The following PCDHA12 variants were observed in gnomAD, a reference collection of about 807,000 sequenced individuals.
PCDHA12 encodes protocadherin alpha 12.
Under a neutral mutation model 60.0 loss-of-function variants are expected in PCDHA12, and 44 were observed. That is an observed-to-expected ratio of 0.73 (90% CI 0.58 to 0.94). The LOEUF is 0.94. Ranked by LOEUF, PCDHA12 falls within the 40% of genes least tolerant of loss-of-function variation. The pLI is 0.00. For synonymous variants in PCDHA12, 569 were observed against 553.0 expected (o/e 1.03, Z -0.40); for missense variants, 1,276 against 1,239.7 (o/e 1.03, Z -0.44).
chr5:140,929,257 C>G, intron 1 of PCDHA12: 2 of 1,612,972 alleles, frequency 1.2e-6, no homozygotes, highest in Admixed American at 3.3e-5. Flanking sequence ...TGGGGTAGGA[C>G]TGAATTTGCC....
At chr5:140,968,288 C>A in intron 1 of PCDHA12, 1 of 1,613,976 alleles carries the variant, frequency 6.2e-7, no homozygotes, top group Non-Finnish European at 8.5e-7. Context: ...GACCTACTCC[C>A]TTCTGGAGAG....
chr5:140,888,288 C>G (rs1328691042), intron 1 of PCDHA12, among the ~76,000 whole-genome samples: 1 of 152,108 alleles, frequency 6.6e-6, no homozygotes, highest in African/African-American at 2.4e-5. Context: ...CCCTCTACCC[C>G]CTACCCAGGA....
chr5:140,969,587 T>G, intron 1 of PCDHA12: 1 of 850,882 alleles, frequency 1.2e-6, no homozygotes, highest in Non-Finnish European at 1.8e-6. Context: ...AGGATTAGTC[T>G]TAATATTTAA....
chr5:141,001,401 G>A (rs190876782), intron 3 of PCDHA12, among the ~76,000 whole-genome samples: 12 of 152,314 alleles, frequency 7.9e-5, no homozygotes, highest in African/African-American at 2.4e-4. Context: ...AGAGAACAGG[G>A]AGTATATTTT....
chr5:140,903,346 A>G (rs76789733), intron 1 of PCDHA12, among the ~76,000 whole-genome samples: 12,326 of 152,302 alleles, frequency 0.081, 540 homozygotes, highest in Middle Eastern at 0.13. Context: ...TGCATTTTAA[A>G]AAACAAGTTT....
chr5:140,979,383 T>C (rs2096847136), intron 2 of PCDHA12, among the ~76,000 whole-genome samples: 1 of 152,220 alleles, frequency 6.6e-6, no homozygotes, highest in Admixed American at 6.5e-5. Context: ...CATTGTGCAA[T>C]GTATACATAC....
rs1246720296 is a variant in PCDHA12, at chr5:140,996,308, AAGGGGGG to A, written c.2516-13314_2516-13308del. 2.6e-5 allele frequency among the ~76,000 whole-genome samples: 4 copies of A among 152,358 alleles called. No individual in the cohort carries two copies. The East Asian group carries it at 5.8e-4, about 22-fold the overall frequency. On this transcript the variant is annotated intron_variant, in intron 3 of 3. Coordinates refer to ENST00000398631, the MANE Select transcript of PCDHA12 (RefSeq NM_018903.4). ...CAAGAAGCACAGATTGTAACAAAGT[AAGGGGGG>A]AGGGTAGAGAAGAAAAGTTTGAAAA... is the stretch of plus-strand genomic sequence containing the variant.
Position 140,875,934 on chromosome 5 carries a change from A to T in PCDHA12, c.462A>T (p.Leu154=), listed in dbSNP as rs782270710. 1 of 1,614,178 alleles carries T rather than the reference A, an allele frequency of 6.2e-7. No individual in the cohort carries two copies. The highest frequency in any genetic ancestry group is 1.7e-5 in the Admixed American group (1 of 60,028). ...CGCCTCTGGACTCTCATTTTCCTCT[A>T]GAGGGCGCTTCTGATGCGGATATCG... ...ESAPLDSHFP[L]EGASDADIGV... is the part of the protein sequence containing the mutation. The change falls in exon 1 of 4, where the codon CTA becomes CTT. Residue 154 remains leucine, a synonymous_variant. Coordinates refer to ENST00000398631, the MANE Select transcript of PCDHA12 (RefSeq NM_018903.4).
chr5:140,890,068 T>C (rs1353953909), intron 1 of PCDHA12, among the ~76,000 whole-genome samples: 2 of 152,196 alleles, frequency 1.3e-5, no homozygotes, highest in African/African-American at 4.8e-5. Flanking sequence ...TTTACTGGCT[T>C]ATGAGAACTG....
intron 3 of PCDHA12, among the ~76,000 whole-genome samples, chr5:141,001,903 A>G (rs2098043091): frequency 6.6e-6 from 1 of 152,190 alleles, no homozygotes; most frequent in African/African-American, 2.4e-5. Flanking sequence ...GGGCTGTTTG[A>G]AAAAGACTGC....
At chr5:140,922,385 C>A (rs1267053151) in intron 1 of PCDHA12, among the ~76,000 whole-genome samples, 5 of 152,156 alleles carry the variant, frequency 3.3e-5, no homozygotes, top group Non-Finnish European at 7.4e-5. Context: ...AAACCAAAGA[C>A]TCCTTGTTTT....
intron 1 of PCDHA12, among the ~76,000 whole-genome samples, chr5:140,945,880 A>G (rs1210743057): frequency 6.6e-6 from 1 of 152,136 alleles, no homozygotes; most frequent in Non-Finnish European, 1.5e-5. Flanking sequence ...TAAAACTAAC[A>G]AAGAAAACAC....
intron 2 of PCDHA12, among the ~76,000 whole-genome samples, chr5:140,981,353 C>G (rs551731316): frequency 6.6e-6 from 1 of 152,048 alleles, no homozygotes; most frequent in East Asian, 1.9e-4. Context: ...GCAGGTGGAT[C>G]ACTTGAGGTC....
Position 140,875,535 on chromosome 5 carries a change from T to C in PCDHA12, c.63T>C (p.Leu21=), listed in dbSNP as rs1554167741. The change falls in exon 1 of 4, where the codon CTT becomes CTC. Residue 21 remains leucine, a synonymous_variant. Transcript: ENST00000398631. ...GTCTGCTGCTCTCGCTTCTGCTCCT[T>C]GCAGCCTGGGAGGTGGGGAGCGGCC... is the stretch of plus-strand genomic sequence containing the variant. ...SQRLLLSLLL[L]AAWEVGSGQL... 5 of 1,614,134 alleles carry C rather than the reference T, an allele frequency of 3.1e-6. No homozygotes were observed. The highest frequency in any genetic ancestry group is 3.3e-5 in the Admixed American group (2 of 60,016).
chr5:140,907,641 C>T (rs2073511625), intron 1 of PCDHA12, among the ~76,000 whole-genome samples: 1 of 152,212 alleles, frequency 6.6e-6, no homozygotes, highest in Non-Finnish European at 1.5e-5. Context: ...CTGCTGCTGG[C>T]AAATTGGGCA....
chr5:140,924,274 T>C (rs904028474), intron 1 of PCDHA12, among the ~76,000 whole-genome samples: 1 of 152,232 alleles, frequency 6.6e-6, no homozygotes, highest in East Asian at 1.9e-4. Flanking sequence ...TCTGTACTTG[T>C]GACTACCTAA....
In PCDHA12 at chr5:141,012,312, C is replaced by CTGT; in HGVS notation, c.*2377_*2379dup. On this transcript the variant is annotated 3_prime_UTR_variant, in exon 4 of 4. Transcript: ENST00000398631. ...TGAATTGGTGCTATTGGTATTTCCT[C>CTGT]TGTTATTGCTAATAAATGAAAATGG... The CTGT allele has an allele frequency of 6.5e-6, 1 of 153,698 alleles. No individual in the cohort carries two copies. Among genetic ancestry groups the CTGT allele is most frequent in the Middle Eastern group, 3.2e-3 (1 of 316 alleles). 9.5% of individuals were successfully genotyped at this position (153,698 alleles called of 1,614,324 possible).
At chr5:140,937,328 C>T (rs191377007) in intron 1 of PCDHA12, among the ~76,000 whole-genome samples, 9 of 152,066 alleles carry the variant, frequency 5.9e-5, no homozygotes, top group Admixed American at 5.2e-4. Context: ...TGAGCCACCG[C>T]GCCCGGCTTC....
At chr5:140,946,629 T>TATATATATATATAC (rs1367833800) in intron 1 of PCDHA12, among the ~76,000 whole-genome samples, 1 of 123,274 alleles carries the variant, frequency 8.1e-6, no homozygotes, top group Admixed American at 8.1e-5. Flanking sequence ...TATATATATA[T>TATATATATATATAC]ATACAATGGA....
Sources: gnomAD v4.1 joint callset for allele counts (sites outside exome capture counted in the v4.1 genomes callset) on GRCh38, gnomAD v4.1.1 for gene constraint, MANE v1.5 for transcripts, NCBI Gene and HGNC (gene_info 2026-07-23, HGNC 2026-07-21) for gene names.